Variants in STXBP5L observed in about 807,000 individuals in gnomAD.
The protein encoded by STXBP5L is syntaxin binding protein 5L, also known as syntaxin-binding protein 5-like.
In STXBP5L, 65 loss-of-function variants were observed where a neutral mutation model predicts 144.5. The observed-to-expected ratio is 0.45, with a 90% CI of 0.37 to 0.55. STXBP5L has a LOEUF of 0.55. Among genes scored for constraint, STXBP5L ranks in the 20% least tolerant of loss-of-function variants. The pLI is 0.00. For missense variants in STXBP5L, 1,298 were observed against 1,405.5 expected (o/e 0.92, Z 1.22); for synonymous variants, 505 against 469.6 (o/e 1.08, Z -0.97).
intron 9 of STXBP5L, among the ~76,000 whole-genome samples, chr3:121,163,425 G>A (rs1384838599): frequency 1.3e-5 from 2 of 152,000 alleles, no homozygotes; most frequent in Admixed American, 1.3e-4. Flanking sequence ...TCTCTCGGTG[G>A]ATGGGGGGCA....
intron 9 of STXBP5L, among the ~76,000 whole-genome samples, chr3:121,198,523 A>G (rs2048010195): frequency 6.6e-6 from 1 of 152,136 alleles, no homozygotes; most frequent in African/African-American, 2.4e-5. Context: ...TTTTGTTGCC[A>G]TTGCTTTTGA....
At chr3:121,066,650 A>G (rs2041564656) in intron 5 of STXBP5L, among the ~76,000 whole-genome samples, 3 of 152,112 alleles carry the variant, frequency 2.0e-5, no homozygotes, top group South Asian at 2.1e-4. Context: ...TTTAATCTCT[A>G]TGTTCACAAA....
chr3:121,359,299 T>A (rs538458278), intron 20 of STXBP5L, among the ~76,000 whole-genome samples: 19 of 152,324 alleles, frequency 1.2e-4, no homozygotes, highest in African/African-American at 4.6e-4. Flanking sequence ...TTTGATCAGA[T>A]TATTAGATTT....
At chr3:121,230,177 C>A (rs2049258761) in intron 11 of STXBP5L, among the ~76,000 whole-genome samples, 1 of 152,062 alleles carries the variant, frequency 6.6e-6, no homozygotes, top group Non-Finnish European at 1.5e-5. Flanking sequence ...AGTCATCATT[C>A]CAAATTATTT....
chr3:121,071,421 C>G (rs917931404), intron 5 of STXBP5L, among the ~76,000 whole-genome samples: 2 of 152,238 alleles, frequency 1.3e-5, no homozygotes, highest in African/African-American at 4.8e-5. Flanking sequence ...CGACCAGCCT[C>G]TGGTGCAGTC....
intron 10 of STXBP5L, among the ~76,000 whole-genome samples, chr3:121,213,377 T>C (rs1440937367): frequency 6.6e-6 from 1 of 152,120 alleles, no homozygotes; most frequent in Non-Finnish European, 1.5e-5. Context: ...TATTTTGAAA[T>C]ATGTTTCAAT....
chr3:120,920,145 C>T (rs1451851621), intron 2 of STXBP5L, among the ~76,000 whole-genome samples: 10 of 151,820 alleles, frequency 6.6e-5, no homozygotes, highest in South Asian at 4.1e-4. Flanking sequence ...TATTAACATA[C>T]GAAAGTAACT....
intron 20 of STXBP5L, among the ~76,000 whole-genome samples, chr3:121,347,278 T>A (rs936924716): frequency 1.3e-5 from 2 of 152,192 alleles, no homozygotes; most frequent in Non-Finnish European, 2.9e-5. Flanking sequence ...TGTGGCATTA[T>A]TTCTGAGGGC....
intron 5 of STXBP5L, among the ~76,000 whole-genome samples, chr3:121,097,656 C>T (rs922875833): frequency 3.9e-5 from 6 of 152,300 alleles, no homozygotes; most frequent in African/African-American, 1.2e-4. Context: ...ACCATCCAAC[C>T]ATTCCCAGTG....
chr3:120,998,240 A>G (rs749980392), intron 3 of STXBP5L, among the ~76,000 whole-genome samples: 6 of 152,196 alleles, frequency 3.9e-5, no homozygotes, highest in East Asian at 1.9e-4. Context: ...CAGAGCAATC[A>G]GGGAAGAGAA....
At chr3:121,039,793 C>G (rs574400330) in intron 3 of STXBP5L, among the ~76,000 whole-genome samples, 1 of 152,092 alleles carries the variant, frequency 6.6e-6, no homozygotes, top group East Asian at 1.9e-4. Context: ...GGCCATTTGA[C>G]ATTGACCCAC....
chr3:121,324,461 C>T (rs1410296158), intron 20 of STXBP5L: 2 of 664,960 alleles, frequency 3.0e-6, no homozygotes, highest in Non-Finnish European at 5.4e-6. Flanking sequence ...TAAGGTACTC[C>T]ATGCCAATAG....
intron 20 of STXBP5L, among the ~76,000 whole-genome samples, chr3:121,320,531 T>A (rs893455366): frequency 1.3e-5 from 2 of 152,158 alleles, no homozygotes; most frequent in East Asian, 3.9e-4. Flanking sequence ...TAGACTTTTT[T>A]TCTTGTTCCC....
At chr3:121,295,101 G>GT (rs1015734372) in intron 19 of STXBP5L, among the ~76,000 whole-genome samples, 13 of 152,112 alleles carry the variant, frequency 8.5e-5, no homozygotes, top group Admixed American at 2.6e-4. Context: ...GTAGTTTGGG[G>GT]TTTTTTTAAT....
At chr3:121,379,965 G>C (rs2046285792) in intron 21 of STXBP5L, among the ~76,000 whole-genome samples, 1 of 152,108 alleles carries the variant, frequency 6.6e-6, no homozygotes, top group South Asian at 2.1e-4. Context: ...CTCCCAAGCA[G>C]CTGGAGGTAC....
chr3:120,954,874 A>G lies in STXBP5L; in HGVS notation c.190-66A>G, dbSNP rs1303414152. 4 of 1,326,724 alleles carry G rather than the reference A, an allele frequency of 3.0e-6. No homozygotes were observed. In the Admixed American group the frequency reaches 8.4e-5, roughly 28 times the overall value. The allele number at this position is 1,326,724 out of a possible 1,614,324, so 82.2% of individuals were successfully genotyped here. On this transcript the variant is annotated intron_variant, in intron 2 of 26. Transcript: ENST00000471454. ...TTTTAGACATTCTGGTGGCTATATA[A>G]TGGTATCTTGTGATTGTAATTTTTA...
At chr3:121,049,506 A>C (rs559237515) in intron 5 of STXBP5L, 11 of 154,354 alleles carry the variant, frequency 7.1e-5, no homozygotes, top group African/African-American at 2.6e-4. Flanking sequence ...TACACTCCCC[A>C]GCCTGAGGGC....
intron 18 of STXBP5L, among the ~76,000 whole-genome samples, chr3:121,263,937 A>T (rs938871431): frequency 2.0e-5 from 3 of 152,230 alleles, no homozygotes; most frequent in Admixed American, 2.0e-4. Context: ...GACAGGCAAC[A>T]TTCAAATTCA....
chr3:121,051,436 T>G (rs1168272744), intron 5 of STXBP5L, among the ~76,000 whole-genome samples: 1 of 152,080 alleles, frequency 6.6e-6, no homozygotes, highest in Non-Finnish European at 1.5e-5. Context: ...AGAAACTCAC[T>G]CAAAACCGCT....
Sources: gnomAD v4.1 joint callset for allele counts (sites outside exome capture counted in the v4.1 genomes callset) on GRCh38, gnomAD v4.1.1 for gene constraint, MANE v1.5 for transcripts, NCBI Gene and HGNC (gene_info 2026-07-23, HGNC 2026-07-21) for gene names.